PDZRN4: variants seen among roughly 807,000 people sequenced by gnomAD.
PDZRN4 encodes the protein PDZ domain containing ring finger 4.
PDZRN4 carries 70 observed loss-of-function variants against 99.0 expected under a neutral mutation model. The observed-to-expected ratio is 0.71, with a 90% CI of 0.58 to 0.86. The LOEUF is 0.86. Ranked by LOEUF, PDZRN4 falls within the 40% of genes least tolerant of loss-of-function variation. The pLI, the probability that PDZRN4 is intolerant of heterozygous loss-of-function variation, is 0.00. For missense variants in PDZRN4, 1,474 were observed against 1,331.2 expected, an observed-to-expected ratio of 1.11 and a Z score of -1.67; for synonymous variants, 551 against 501.6, an observed-to-expected ratio of 1.10 and a Z score of -1.32.
intron 3 of PDZRN4, among the ~76,000 whole-genome samples, chr12:41,253,245 A>G (rs929000892): frequency 2.0e-5 from 3 of 152,174 alleles, no homozygotes; most frequent in Admixed American, 2.0e-4. Context: ...ATCTTTGCCT[A>G]GCTTAATATC....
At chr12:41,476,088 G>A (rs1464288222) in intron 3 of PDZRN4, among the ~76,000 whole-genome samples, 1 of 152,248 alleles carries the variant, frequency 6.6e-6, no homozygotes, top group East Asian at 1.9e-4. Flanking sequence ...TTGACTGACA[G>A]CCTTTGAGAT....
chr12:41,448,995 G>A (rs1174530622), intron 3 of PDZRN4, among the ~76,000 whole-genome samples: 2 of 151,994 alleles, frequency 1.3e-5, no homozygotes, highest in Non-Finnish European at 2.9e-5. Context: ...CCCAGACCAA[G>A]CATTTCATTA....
At chr12:41,454,821 A>G (rs1952804930) in intron 3 of PDZRN4, among the ~76,000 whole-genome samples, 1 of 152,222 alleles carries the variant, frequency 6.6e-6, no homozygotes, top group Non-Finnish European at 1.5e-5. Flanking sequence ...CCCTTATGTA[A>G]AAAATGGCCT....
intron 6 of PDZRN4, 28 bp downstream of exon 6, chr12:41,552,782 G>A (rs746490949): frequency 2.7e-5 from 41 of 1,530,544 alleles, no homozygotes; most frequent in Middle Eastern, 1.7e-4. Flanking sequence ...GGGGAAATTC[G>A]AGGAGGGAGA....
chr12:41,218,590 A>G (rs1950935676), intron 3 of PDZRN4, among the ~76,000 whole-genome samples: 1 of 152,090 alleles, frequency 6.6e-6, no homozygotes, highest in African/African-American at 2.4e-5. Context: ...TTCTAATAAC[A>G]ATTGTTGGGC....
chr12:41,429,752 C>A (rs1952569818), intron 3 of PDZRN4, among the ~76,000 whole-genome samples: 1 of 142,052 alleles, frequency 7.0e-6, no homozygotes, highest in Non-Finnish European at 1.5e-5. Context: ...CCATATAGTG[C>A]TGGAACAATG....
At chr12:41,490,073 A>G (rs919313431) in intron 3 of PDZRN4, among the ~76,000 whole-genome samples, 7 of 152,320 alleles carry the variant, frequency 4.6e-5, no homozygotes, top group African/African-American at 1.7e-4. Context: ...AAAAAAATCA[A>G]TTAAACCAAT....
intron 3 of PDZRN4, among the ~76,000 whole-genome samples, chr12:41,397,503 A>C (rs1291075383): frequency 6.6e-6 from 1 of 152,192 alleles, no homozygotes; most frequent in East Asian, 1.9e-4. Context: ...AATTATTTTC[A>C]TTTGGCAGAT....
rs148832748 is a variant in PDZRN4 at position 41,248,767 on chromosome 12, T to C, written c.843+54579T>C. Among the ~76,000 whole-genome samples the C allele has an allele frequency of 9.2e-5, 14 of 152,242 alleles. No homozygotes were observed. In the East Asian group the frequency reaches 2.5e-3, roughly 27 times the overall value. On this transcript the variant is annotated intron_variant, in intron 3 of 9. Coordinates refer to ENST00000402685, the MANE Select transcript of PDZRN4 (RefSeq NM_001164595.2). ...AGTGAAATAAATTTTAAAATAAATA[T>C]TAAAAGATATCTTATTATAAATAAT...
chr12:41,558,756 C>T (rs146333995), intron 7 of PDZRN4, among the ~76,000 whole-genome samples: 7 of 152,278 alleles, frequency 4.6e-5, no homozygotes, highest in South Asian at 2.1e-4. Flanking sequence ...ACACTTAATA[C>T]ATGTCCCAGT....
At chr12:41,377,920 A>G (rs1304500590) in intron 3 of PDZRN4, among the ~76,000 whole-genome samples, 1 of 152,160 alleles carries the variant, frequency 6.6e-6, no homozygotes, top group Non-Finnish European at 1.5e-5. Context: ...AGATCATATT[A>G]TATGCAAATA....
chr12:41,503,542 A>G (rs760233932), intron 3 of PDZRN4, among the ~76,000 whole-genome samples: 3 of 152,186 alleles, frequency 2.0e-5, no homozygotes, highest in African/African-American at 7.2e-5. Flanking sequence ...AGAAAAAACT[A>G]TACTCTTCTG....
chr12:41,277,797 C>A (rs1951359430), intron 3 of PDZRN4, among the ~76,000 whole-genome samples: 1 of 152,190 alleles, frequency 6.6e-6, no homozygotes. Context: ...TAATCAATTT[C>A]TCTTTGGTAG....
At chr12:41,220,573 G>A (rs1245197669) in intron 3 of PDZRN4, among the ~76,000 whole-genome samples, 1 of 152,138 alleles carries the variant, frequency 6.6e-6, no homozygotes, top group African/African-American at 2.4e-5. Flanking sequence ...TTTAAAATAA[G>A]TGTTTGAAAG....
chr12:41,439,875 C>T (rs1013660070), intron 3 of PDZRN4, among the ~76,000 whole-genome samples: 2 of 152,128 alleles, frequency 1.3e-5, no homozygotes, highest in Non-Finnish European at 2.9e-5. Context: ...CAAGGGGAGC[C>T]CTCCTACAGT....
intron 3 of PDZRN4, among the ~76,000 whole-genome samples, chr12:41,451,454 A>G (rs1952773355): frequency 6.6e-6 from 1 of 152,210 alleles, no homozygotes; most frequent in Non-Finnish European, 1.5e-5. Context: ...AGTTAAATAT[A>G]AATTTACAAA....
At chr12:41,508,637 G>A (rs1008352931) in intron 4 of PDZRN4, among the ~76,000 whole-genome samples, 13 of 152,176 alleles carry the variant, frequency 8.5e-5, no homozygotes, top group African/African-American at 3.1e-4. Context: ...TGCGGACCCA[G>A]TCCAGCTATA....
intron 5 of PDZRN4, among the ~76,000 whole-genome samples, chr12:41,517,382 G>A (rs555796132): frequency 6.6e-6 from 1 of 152,136 alleles, no homozygotes; most frequent in Non-Finnish European, 1.5e-5. Flanking sequence ...ATTACTGAAA[G>A]GTGTCTGTGA....
intron 3 of PDZRN4, among the ~76,000 whole-genome samples, chr12:41,403,565 A>G (rs1031609379): frequency 7.2e-5 from 11 of 152,192 alleles, no homozygotes; most frequent in Non-Finnish European, 1.5e-5. Context: ...TGTTAAGCCA[A>G]TAAATGTACT....
Sources: gnomAD v4.1 joint callset for allele counts (sites outside exome capture counted in the v4.1 genomes callset) on GRCh38, gnomAD v4.1.1 for gene constraint, MANE v1.5 for transcripts, NCBI Gene and HGNC (gene_info 2026-07-23, HGNC 2026-07-21) for gene names.